Variants in CDK8 observed in about 807,000 individuals in gnomAD.
CDK8 encodes cyclin-dependent kinase 8.
A neutral mutation model predicts 71.5 loss-of-function variants in CDK8; 29 were observed. The ratio of observed to expected loss-of-function variants is 0.41; its 90% CI spans 0.30 to 0.55. CDK8 has a LOEUF of 0.55. Ranked by LOEUF, CDK8 falls within the 20% of genes least tolerant of loss-of-function variation. The pLI is 0.37. For synonymous variants in CDK8, 161 were observed against 192.1 expected (o/e 0.84, Z 1.34); for missense variants, 288 against 572.6 (o/e 0.50, Z 5.07).
intron 4 of CDK8, among the ~76,000 whole-genome samples, chr13:26,372,150 A>G (rs1874722243): frequency 6.6e-6 from 1 of 152,188 alleles, no homozygotes; most frequent in Non-Finnish European, 1.5e-5. Context: ...AGTCTGCATT[A>G]ATCTCTCAGA....
At chr13:26,275,412 A>T (rs1028831533) in intron 1 of CDK8, among the ~76,000 whole-genome samples, 2 of 152,224 alleles carry the variant, frequency 1.3e-5, no homozygotes, top group Non-Finnish European at 2.9e-5. Context: ...TTATCTTAAG[A>T]ACCTTAATAA....
intron 1 of CDK8, among the ~76,000 whole-genome samples, chr13:26,328,367 G>A (rs980820778): frequency 6.6e-5 from 10 of 152,174 alleles, no homozygotes; most frequent in Admixed American, 2.6e-4. Flanking sequence ...AAGAAGTAGT[G>A]TACTGCTTTA....
intron 7 of CDK8, among the ~76,000 whole-genome samples, chr13:26,393,746 G>C (rs1205713573): frequency 6.6e-6 from 1 of 151,888 alleles, no homozygotes; most frequent in Non-Finnish European, 1.5e-5. Flanking sequence ...GTTTCATCTT[G>C]TTTTACTTTT....
Position 26,397,127 on chromosome 13 carries a change from G to A in CDK8, c.861-26G>A, listed in dbSNP as rs539878110. 72 of 1,332,308 alleles carry A rather than the reference G, an allele frequency of 5.4e-5. 1 individual carries two copies. The East Asian group carries it at 5.8e-4, about 11-fold the overall frequency. 82.5% of individuals were successfully genotyped at this position (1,332,308 alleles called of 1,614,324 possible). A position where few individuals can be genotyped will look rare whatever the true frequency, so the allele number is the denominator to read the frequency against. The stretch of plus-strand genomic sequence containing the variant: ...TACAATTAACCTCAAGTCTAATATA[G>A]CTATTTCATAGTATTTCTCTTTCAG... On this transcript the variant is annotated intron_variant, in intron 8 of 12. Transcript: ENST00000381527.
At position 26,279,446 on chromosome 13, in the gene CDK8, T is replaced by G. The variant is rs550546325; in HGVS notation, c.128+24677T>G. Among the ~76,000 whole-genome samples the G allele has an allele frequency of 2.6e-5, 4 of 152,200 alleles. No individual in the cohort carries two copies. In the East Asian group the frequency reaches 7.7e-4, roughly 29 times the overall value. On this transcript the variant is annotated intron_variant, in intron 1 of 12. Transcript: ENST00000381527. ...TGGGACAGCCCATTGTTTTTGCCTT[T>G]CATGGGGTGCAGTAAGAAAAAAAAA...
chr13:26,323,298 T>TGAGA (rs10523917), intron 1 of CDK8, among the ~76,000 whole-genome samples: 2 of 132,144 alleles, frequency 1.5e-5, no homozygotes, highest in African/African-American at 3.3e-5. Context: ...TCCTCACATG[T>TGAGA]GAGAGAGAGA....
chr13:26,311,648 G>A (rs1204514144), intron 1 of CDK8, among the ~76,000 whole-genome samples: 1 of 152,154 alleles, frequency 6.6e-6, no homozygotes, highest in Non-Finnish European at 1.5e-5. Context: ...CACAGGCAGC[G>A]GGGCCATGTG....
At chr13:26,395,423 GGGT>G (rs2138066158) in intron 7 of CDK8, among the ~76,000 whole-genome samples, 1 of 151,772 alleles carries the variant, frequency 6.6e-6, no homozygotes, top group African/African-American at 2.4e-5. Context: ...GCAGAGGTTG[GGGT>G]GAGCCGAGAT....
chr13:26,292,366 G>A (rs1245335980), intron 1 of CDK8, among the ~76,000 whole-genome samples: 1 of 152,194 alleles, frequency 6.6e-6, no homozygotes, highest in Non-Finnish European at 1.5e-5. Context: ...AGACCTACTG[G>A]ATCCAAGTGA....
intron 1 of CDK8, among the ~76,000 whole-genome samples, chr13:26,273,664 A>ATATAT (rs549073223): frequency 6.0e-5 from 9 of 150,460 alleles, no homozygotes; most frequent in African/African-American, 2.2e-4. Flanking sequence ...TGCTTTAAAA[A>ATATAT]ATATATATAT....
intron 4 of CDK8, among the ~76,000 whole-genome samples, chr13:26,367,639 A>G (rs1327093933): frequency 2.0e-5 from 3 of 152,220 alleles, no homozygotes; most frequent in Non-Finnish European, 4.4e-5. Context: ...TGCCCTGTGA[A>G]TATTAAGTAC....
chr13:26,359,904 CAG>C (rs969265173), intron 4 of CDK8, among the ~76,000 whole-genome samples: 1 of 151,998 alleles, frequency 6.6e-6, no homozygotes, highest in Non-Finnish European at 1.5e-5. Flanking sequence ...TTAGTAGAGA[CAG>C]AGTTTTGCCA....
intron 4 of CDK8, among the ~76,000 whole-genome samples, chr13:26,369,560 G>T (rs1226446986): frequency 1.0e-4 from 12 of 114,974 alleles, no homozygotes; most frequent in African/African-American, 4.2e-4. Context: ...AGACAGTCTC[G>T]CTCTGTCACC....
intron 1 of CDK8, among the ~76,000 whole-genome samples, chr13:26,292,885 TTA>T (rs750515023): frequency 6.6e-5 from 10 of 152,258 alleles, no homozygotes; most frequent in Non-Finnish European, 1.2e-4. Context: ...TTAAGAACTC[TTA>T]TGTTTCTTCA....
chr13:26,312,880 CTTGT>C (rs1874353568), intron 1 of CDK8, among the ~76,000 whole-genome samples: 1 of 152,150 alleles, frequency 6.6e-6, no homozygotes. Flanking sequence ...AGAAATTTCC[CTTGT>C]TTAATAGCTT....
chr13:26,297,085 A>G (rs1873594938), intron 1 of CDK8, among the ~76,000 whole-genome samples: 1 of 152,180 alleles, frequency 6.6e-6, no homozygotes, highest in Non-Finnish European at 1.5e-5. Flanking sequence ...TAGGGTTGCC[A>G]TTTAAAAAGT....
intron 1 of CDK8, among the ~76,000 whole-genome samples, chr13:26,313,635 T>G (rs1874385925): frequency 6.6e-6 from 1 of 152,242 alleles, no homozygotes; most frequent in Non-Finnish European, 1.5e-5. Context: ...GTTACCATAT[T>G]TAATCTCCAA....
At chr13:26,361,059 C>G (rs1240964983) in intron 4 of CDK8, among the ~76,000 whole-genome samples, 3 of 152,176 alleles carry the variant, frequency 2.0e-5, no homozygotes, top group Non-Finnish European at 4.4e-5. Flanking sequence ...TTTGCTGACC[C>G]TTTTCCTATG....
At chr13:26,360,440 G>C (rs530903895) in intron 4 of CDK8, among the ~76,000 whole-genome samples, 4 of 152,156 alleles carry the variant, frequency 2.6e-5, no homozygotes, top group African/African-American at 9.7e-5. Flanking sequence ...TGCCCTGCCT[G>C]CTTGAATCCC....
Sources: allele counts gnomAD v4.1 joint callset (sites outside exome capture counted in the v4.1 genomes callset), GRCh38; gene constraint gnomAD v4.1.1; transcripts MANE v1.5; gene names NCBI Gene and HGNC (gene_info 2026-07-23, HGNC 2026-07-21).